ADAMTSL3: variants seen among roughly 807,000 people sequenced by gnomAD.
ADAMTSL3 encodes ADAMTS-like protein 3.
A neutral mutation model predicts 201.7 loss-of-function variants in ADAMTSL3; 128 were observed. The observed-to-expected ratio is 0.63, with a 90% CI of 0.55 to 0.73. The LOEUF (loss-of-function observed/expected upper bound fraction) is 0.73. Ranked by LOEUF, ADAMTSL3 falls within the 30% of genes least tolerant of loss-of-function variation. The pLI is 0.00. For synonymous variants in ADAMTSL3, 738 were observed against 748.4 expected (o/e 0.99, Z 0.23); for missense variants, 1,990 against 2,119.6 (o/e 0.94, Z 1.20).
At chr15:83,988,669 C>A in intron 21 of ADAMTSL3, 22 bp from the exon 22 acceptor site, 1 of 1,568,160 alleles carries the variant, frequency 6.4e-7, no homozygotes, top group Non-Finnish European at 8.7e-7. Context: ...ATGAATGTGT[C>A]GTCTTTCTAA....
At chr15:83,903,233 C>T (rs926232197) in intron 15 of ADAMTSL3, among the ~76,000 whole-genome samples, 3 of 132,192 alleles carry the variant, frequency 2.3e-5, no homozygotes, top group African/African-American at 9.1e-5. Flanking sequence ...TTTCTTTCGG[C>T]TGCCAGATCT....
intron 13 of ADAMTSL3, 64 bp downstream of exon 13, chr15:83,892,952 C>A: frequency 6.8e-7 from 1 of 1,479,816 alleles, no homozygotes; most frequent in Non-Finnish European, 9.3e-7. Context: ...TTTCTATATG[C>A]CCACCATGGT....
chr15:83,741,572 G>A (rs903745206), intron 3 of ADAMTSL3, among the ~76,000 whole-genome samples: 6 of 152,004 alleles, frequency 3.9e-5, no homozygotes, highest in African/African-American at 1.5e-4. Context: ...AGAAATAAGT[G>A]GTATTAAGAC....
intron 3 of ADAMTSL3, among the ~76,000 whole-genome samples, chr15:83,772,039 A>T (rs2062992370): frequency 6.6e-6 from 1 of 151,970 alleles, no homozygotes; most frequent in Non-Finnish European, 1.5e-5. Flanking sequence ...ATTTTAGTAG[A>T]GATGGGGTTT....
At chr15:83,884,008 T>A (rs992005091) in intron 9 of ADAMTSL3, among the ~76,000 whole-genome samples, 1 of 152,082 alleles carries the variant, frequency 6.6e-6, no homozygotes, top group Admixed American at 6.5e-5. Context: ...TTCTCCTGCC[T>A]CAGCCTCCTG....
rs765867522 is a variant in ADAMTSL3 at position 83,982,691 on chromosome 15, C to T, written c.3063C>T (p.Ser1021=). 2.4e-5 allele frequency: 38 copies of T among 1,608,732 alleles called. No homozygotes were observed. Among genetic ancestry groups the T allele is most frequent in the African/African-American group, 2.3e-4 (16 of 70,374 alleles). ...GGGAATATCCTGGGATGGACCACAG[C>T]GAAGCCAATAGTTTGGGAGTCACAT... ...PMREYPGMDH[S]EANSLGVTWH... The change falls in exon 21 of 30, where the codon AGC becomes AGT. Residue 1021 remains serine (S), a synonymous_variant. Transcript: ENST00000286744.
intron 21 of ADAMTSL3, among the ~76,000 whole-genome samples, chr15:83,988,195 C>T (rs2067515851): frequency 6.6e-6 from 1 of 152,148 alleles, no homozygotes; most frequent in Non-Finnish European, 1.5e-5. Flanking sequence ...TGACCTCAAT[C>T]GACTTCTTCA....
At chr15:83,691,482 G>T (rs2061607051) in intron 2 of ADAMTSL3, among the ~76,000 whole-genome samples, 1 of 152,140 alleles carries the variant, frequency 6.6e-6, no homozygotes, top group Non-Finnish European at 1.5e-5. Context: ...TGAAATTTGA[G>T]CAGCCATCAC....
At chr15:83,933,511 G>A (rs986277892) in intron 17 of ADAMTSL3, among the ~76,000 whole-genome samples, 22 of 152,190 alleles carry the variant, frequency 1.4e-4, no homozygotes, top group African/African-American at 5.3e-4. Context: ...AAGCATAAAA[G>A]TTTAGAAAAT....
intron 3 of ADAMTSL3, among the ~76,000 whole-genome samples, chr15:83,717,236 G>A (rs1404453770): frequency 6.6e-6 from 1 of 152,172 alleles, no homozygotes; most frequent in Admixed American, 6.5e-5. Context: ...CTGGGTGTAT[G>A]ATACTGTGAT....
intron 23 of ADAMTSL3, among the ~76,000 whole-genome samples, chr15:83,999,318 CCTT>C (rs1389711191): frequency 6.6e-6 from 1 of 152,026 alleles, no homozygotes; most frequent in Non-Finnish European, 1.5e-5. Context: ...GTGTAAGAAA[CCTT>C]CTTATGCATA....
intron 4 of ADAMTSL3, among the ~76,000 whole-genome samples, chr15:83,800,383 G>A (rs1213430683): frequency 6.6e-6 from 1 of 152,126 alleles, no homozygotes; most frequent in East Asian, 1.9e-4. Context: ...CACTCAAGAT[G>A]CAAATCAGTG....
At chr15:83,799,155 G>A (rs1054097081) in intron 4 of ADAMTSL3, among the ~76,000 whole-genome samples, 5 of 152,104 alleles carry the variant, frequency 3.3e-5, no homozygotes, top group African/African-American at 1.2e-4. Flanking sequence ...AATGCTTGTG[G>A]TCAGTTTTTC....
chr15:83,903,946 A>AGG (rs2065783321), intron 15 of ADAMTSL3, among the ~76,000 whole-genome samples: 1 of 39,786 alleles, frequency 2.5e-5, no homozygotes, highest in African/African-American at 1.7e-4. Flanking sequence ...AAAAAAAAAG[A>AGG]AAAAAGAAAG....
intron 5 of ADAMTSL3, among the ~76,000 whole-genome samples, chr15:83,818,616 C>T (rs1475097355): frequency 1.3e-5 from 2 of 152,194 alleles, no homozygotes; most frequent in Non-Finnish European, 2.9e-5. Context: ...CGTGAGCCAC[C>T]ACGCCTGGCG....
intron 21 of ADAMTSL3, 104 bp downstream of exon 21, chr15:83,983,448 C>T (rs2067425342): frequency 1.1e-6 from 1 of 877,050 alleles, no homozygotes; most frequent in Non-Finnish European, 1.7e-6. Flanking sequence ...GCATGTGTTT[C>T]CAACAGGATT....
At chr15:83,740,855 TTAGA>T (rs1164793350) in intron 3 of ADAMTSL3, among the ~76,000 whole-genome samples, 4 of 152,118 alleles carry the variant, frequency 2.6e-5, no homozygotes, top group Admixed American at 6.6e-5. Flanking sequence ...AATTGAATAT[TTAGA>T]TAGAATGAAT....
chr15:83,754,602 A>G (rs2062688999), intron 3 of ADAMTSL3, among the ~76,000 whole-genome samples: 1 of 152,262 alleles, frequency 6.6e-6, no homozygotes, highest in Admixed American at 6.5e-5. Context: ...ACTAGTGTTC[A>G]TATGTGGTAA....
chr15:83,660,185 A>G (rs938270631), intron 2 of ADAMTSL3, among the ~76,000 whole-genome samples: 12 of 152,208 alleles, frequency 7.9e-5, no homozygotes, highest in Non-Finnish European at 1.3e-4. Flanking sequence ...CATAATTGAC[A>G]TGAGGACAAA....
Sources: gnomAD v4.1 joint callset for allele counts (sites outside exome capture counted in the v4.1 genomes callset) on GRCh38, gnomAD v4.1.1 for gene constraint, MANE v1.5 for transcripts, NCBI Gene and HGNC (gene_info 2026-07-23, HGNC 2026-07-21) for gene names.